The following NPC1L1 variants were observed in gnomAD, a reference collection of about 807,000 sequenced individuals.
NPC1L1 encodes NPC1-like intracellular cholesterol transporter 1.
NPC1L1 carries 98 observed loss-of-function variants against 117.0 expected under a neutral mutation model. That is an observed-to-expected ratio of 0.84 (90% CI 0.71 to 0.99). The LOEUF (loss-of-function observed/expected upper bound fraction) is 0.99, where lower values mean the gene tolerates loss of function less well. Among genes scored for constraint, NPC1L1 ranks in the 50% least tolerant of loss-of-function variants. The pLI, the probability that NPC1L1 is intolerant of heterozygous loss-of-function variation, is 0.00. For synonymous variants in NPC1L1, 729 were observed against 727.6 expected (o/e 1.00, Z -0.03); for missense variants, 1,540 against 1,710.0 (o/e 0.90, Z 1.75).
intron 10 of NPC1L1, among the ~76,000 whole-genome samples, chr7:44,524,929 T>C (rs1039113317): frequency 4.6e-5 from 7 of 151,270 alleles, no homozygotes; most frequent in Non-Finnish European, 8.8e-5. Flanking sequence ...AAATGAAAAA[T>C]TCACTAGAGG....
chr7:44,533,933 G>T, intron 6 of NPC1L1, 80 bp from the exon 7 acceptor site: 2 of 1,177,806 alleles, frequency 1.7e-6, no homozygotes, highest in Non-Finnish European at 2.5e-6. Flanking sequence ...GTTGGCAAGT[G>T]CCCAGAGCTG....
chr7:44,538,955 C>T lies in NPC1L1; in HGVS notation c.1442G>A (p.Ser481Asn). ...GCTGTTGATGCAGCAGTCGTAGAGACTGGTATTGTCCGGATTGAGGGGGGC... is the reference window on the plus strand; with the variant it reads ...GCTGTTGATGCAGCAGTCGTAGAGATTGGTATTGTCCGGATTGAGGGGGGC... The part of the protein sequence containing the change: ...CYAPLNPDNT[S>N]LYDCCINSLL... The change falls in exon 2 of 19, where the codon AGT becomes AAT. Residue 481 changes from serine (S) to asparagine (N), a missense_variant. Around this residue, in one of 3 missense-constraint regions of NPC1L1, gnomAD observed 793 missense variants for 820.4 expected, o/e 0.97. Coordinates refer to ENST00000381160, the MANE Select transcript of NPC1L1 (RefSeq NM_001101648.2). This position sits in a 1 kb window ranked among gnomAD's most constrained non-coding sequence, Gnocchi z 5.9. 6.2e-7 allele frequency: 1 copy of T among 1,614,184 alleles called. No homozygotes were observed. The highest frequency in any genetic ancestry group is 8.5e-7 in the Non-Finnish European group (1 of 1,180,032).
At chr7:44,533,911 G>A (rs951929294) in intron 6 of NPC1L1, 58 bp from the exon 7 acceptor site, 3 of 1,443,252 alleles carry the variant, frequency 2.1e-6, no homozygotes, top group Non-Finnish European at 1.9e-6. Context: ...GCCCCTCAAA[G>A]GCCAGCAGGG....
intron 10 of NPC1L1, among the ~76,000 whole-genome samples, chr7:44,529,395 T>C (rs2117052048): frequency 6.6e-6 from 1 of 151,976 alleles, no homozygotes; most frequent in East Asian, 2.0e-4. Flanking sequence ...TTTTTTTTTT[T>C]TGAGACGAAT....
chr7:44,515,652 A>G (rs1198634681), intron 18 of NPC1L1, 151 bp downstream of exon 18: 5 of 939,952 alleles, frequency 5.3e-6, no homozygotes, highest in Non-Finnish European at 6.8e-6. Flanking sequence ...AGTAGCTTCC[A>G]AGACAGAATT....
At position 44,522,212 on chromosome 7, in the gene NPC1L1, G is replaced by T; in HGVS notation, c.2668C>A (p.Leu890Met). Residue 890 changes from leucine (L) to methionine (M), a missense_variant, in exon 11 of 19, where the codon CTG (leucine) becomes ATG (methionine). This residue lies in a region of NPC1L1 where 742 missense variants were observed against 873.6 expected (regional missense o/e 0.85). Transcript: ENST00000381160. ...GCCCCCACCTCGAAGTAGCGGTTCA[G>T]AAAGAGGAAATAGTCAAGCAGGTAC... is the stretch of plus-strand genomic sequence containing the variant. ...DSYLLDYFLF[L>M]NRYFEVGAPV... 1 of 1,613,766 alleles carries T rather than the reference G, an allele frequency of 6.2e-7. No homozygotes were observed. The highest frequency in any genetic ancestry group is 8.5e-7 in the Non-Finnish European group (1 of 1,179,862).
rs752287511 is a variant in NPC1L1 at position 44,540,183 on chromosome 7, T to G, written c.214A>C (p.Ile72Leu). The part of the protein sequence containing the change: ...PARKITGDHL[I>L]LLQKICPRLY... ...CGGGGGCAGATCTTCTGTAATAGGA[T>G]CAGGTGATCACCTGTGATCTTGCGG... The change falls in exon 2 of 19, where the codon ATC becomes CTC. Residue 72 changes from isoleucine to leucine, a missense_variant. Around this residue, in one of 3 missense-constraint regions of NPC1L1, gnomAD observed 793 missense variants for 820.4 expected, o/e 0.97. Coordinates refer to ENST00000381160, the MANE Select transcript of NPC1L1 (RefSeq NM_001101648.2). 2 of 1,612,452 alleles carry G rather than the reference T, an allele frequency of 1.2e-6. No individual in the cohort carries two copies. The highest frequency in any genetic ancestry group is 4.5e-5 in the East Asian group (2 of 44,772).
chr7:44,521,776 CG>C lies in NPC1L1; in HGVS notation c.2888del (p.Pro963ArgfsTer25). On this transcript the variant is annotated frameshift_variant, in exon 12 of 19. Coordinates refer to ENST00000381160, the MANE Select transcript of NPC1L1 (RefSeq NM_001101648.2). LOFTEE classifies it high-confidence loss of function. ...ATATATAAAGGCGGCAGCAGGAGGA[CG>C]GGGTCAGCCAGTCAATGAAGTCATC... ...WVDDFIDWLT[P>X]SSCCRLYISG... 6.2e-7 allele frequency: 1 copy of C among 1,614,072 alleles called. No individual in the cohort carries two copies. Among genetic ancestry groups the C allele is most frequent in the Non-Finnish European group, 8.5e-7 (1 of 1,180,016 alleles).
chr7:44,516,433 G>C (rs1801188657), intron 16 of NPC1L1, among the ~76,000 whole-genome samples: 1 of 152,156 alleles, frequency 6.6e-6, no homozygotes. Context: ...GTGAGACCCT[G>C]TCTCTACAAC....
intron 14 of NPC1L1, among the ~76,000 whole-genome samples, chr7:44,518,123 A>AAAG (rs1801245663): frequency 6.6e-6 from 1 of 152,006 alleles, no homozygotes; most frequent in African/African-American, 2.4e-5. Flanking sequence ...CAAAAAAAAA[A>AAAG]AAGAAGAAAT....
rs538204760 is a variant in NPC1L1 at position 44,521,085 on chromosome 7, A to C, written c.2987T>G (p.Ile996Ser). ...SLNCLKNCMSITMGSVRPSVE... is the reference protein window; with the variant it reads ...SLNCLKNCMSSTMGSVRPSVE... ...CGAGGGCCTCACAGAGCCCATCGTG[A>C]TGCTCATGCAGTTCTTTAGGCAGTT... Residue 996 changes from isoleucine to serine, a missense_variant, in exon 13 of 19, where the codon ATC (isoleucine) becomes AGC (serine). Coordinates refer to ENST00000381160, the MANE Select transcript of NPC1L1 (RefSeq NM_001101648.2). 6.2e-7 allele frequency: 1 copy of C among 1,614,150 alleles called. No homozygotes were observed. The highest frequency in any genetic ancestry group is 1.3e-5 in the African/African-American group (1 of 75,036).
Position 44,517,283 on chromosome 7 carries a change from C to T in NPC1L1, c.3211G>A (p.Glu1071Lys), listed in dbSNP as rs1161311665. 2 of 1,614,052 alleles carry T rather than the reference C, an allele frequency of 1.2e-6. No individual in the cohort carries two copies. The highest frequency in any genetic ancestry group is 1.3e-5 in the African/African-American group (1 of 74,926). ...DYTEALRAAR[E>K]LAANITADLR... ...TCAGCAGTGATGTTGGCTGCCAGCT[C>T]TCGAGCTGCCCGCAGAGCTTCTGTG... Residue 1071 changes from glutamate (E) to lysine (K), a missense_variant, in exon 15 of 19, where the codon GAG becomes AAG. Coordinates refer to ENST00000381160, the MANE Select transcript of NPC1L1 (RefSeq NM_001101648.2).
intron 13 of NPC1L1, 30 bp from the exon 14 acceptor site, chr7:44,520,850 C>T (rs768772457): frequency 1.2e-6 from 2 of 1,613,856 alleles, no homozygotes; most frequent in African/African-American, 2.7e-5. Flanking sequence ...AAGGCTTAGC[C>T]AGGGACGAAG....
In NPC1L1 at chr7:44,522,211, A is replaced by G. The variant is rs751654964; in HGVS notation, c.2669T>C (p.Leu890Pro). ...DSYLLDYFLFLNRYFEVGAPV... is the reference protein window; with the variant it reads ...DSYLLDYFLFPNRYFEVGAPV... ...GGCCCCCACCTCGAAGTAGCGGTTC[A>G]GAAAGAGGAAATAGTCAAGCAGGTA... is the stretch of plus-strand genomic sequence containing the variant. Residue 890 changes from leucine (L) to proline (P), a missense_variant, in exon 11 of 19, where the codon CTG (leucine) becomes CCG (proline). Coordinates refer to ENST00000381160, the MANE Select transcript of NPC1L1 (RefSeq NM_001101648.2). 3 of 1,613,824 alleles carry G rather than the reference A, an allele frequency of 1.9e-6. 1 individual carries two copies. In the Admixed American group the frequency reaches 5.0e-5, roughly 27 times the overall value.
chr7:44,534,364 C>T lies in NPC1L1; in HGVS notation c.2166+83G>A. 7.2e-7 allele frequency: 1 copy of T among 1,395,130 alleles called. No individual in the cohort carries two copies. The highest frequency in any genetic ancestry group is 1.0e-6 in the Non-Finnish European group (1 of 980,836). The allele number at this position is 1,395,130 out of a possible 1,614,324, so 86.4% of individuals were successfully genotyped here. A position where few individuals can be genotyped will look rare whatever the true frequency, so the allele number is the denominator to read the frequency against. On this transcript the variant is annotated intron_variant, in intron 6 of 18. Transcript: ENST00000381160. The surrounding 1 kb of genome is among the most constrained non-coding windows in gnomAD (Gnocchi z 5.2). The stretch of plus-strand genomic sequence containing the variant: ...AGTCTGCAGGGAGACCCAGCAAATT[C>T]ACGCCAGAGTCCCATCAGGCCAGGA...
chr7:44,522,635 AAC>A (rs1801397409), intron 10 of NPC1L1, among the ~76,000 whole-genome samples: 1 of 152,196 alleles, frequency 6.6e-6, no homozygotes, highest in Non-Finnish European at 1.5e-5. Context: ...GTTACACCGG[AAC>A]ACAGTTTTAG....
At chr7:44,531,871 C>G (rs1242945410) in intron 9 of NPC1L1, 27 bp from the exon 10 acceptor site, 1 of 1,557,776 alleles carries the variant, frequency 6.4e-7, no homozygotes, top group Non-Finnish European at 8.7e-7. Flanking sequence ...TGCATGAGAC[C>G]ACCCTGCCCA....
Position 44,539,525 on chromosome 7 carries a change from A to G in NPC1L1, c.872T>C (p.Leu291Pro). ...GGTGACCACAGCGAAGACAGAGCAG[A>G]GGATGATGATGAGGACCAGACTGCC... ...MPGSLVLIIILCSVFAVVTIL... is the reference protein window; with the variant it reads ...MPGSLVLIIIPCSVFAVVTIL... Residue 291 changes from leucine to proline, a missense_variant, in exon 2 of 19, where the codon CTC (leucine) becomes CCC (proline). Leu to Pro is a moderately conservative substitution (Grantham distance 98). This residue lies in a region of NPC1L1 where 793 missense variants were observed against 820.4 expected (regional missense o/e 0.97). Coordinates refer to ENST00000381160, the MANE Select transcript of NPC1L1 (RefSeq NM_001101648.2). This position sits in a 1 kb window ranked among gnomAD's most constrained non-coding sequence, Gnocchi z 4.4. 1 of 1,613,748 alleles carries G rather than the reference A, an allele frequency of 6.2e-7. No individual in the cohort carries two copies. The highest frequency in any genetic ancestry group is 8.5e-7 in the Non-Finnish European group (1 of 1,179,712).
rs948869565 is a variant in NPC1L1, at chr7:44,517,042, TG to T, written c.3288-109del. On this transcript the variant is annotated intron_variant, in intron 15 of 18. Coordinates refer to ENST00000381160, the MANE Select transcript of NPC1L1 (RefSeq NM_001101648.2). Reference sequence around the variant, plus strand: ...TGCTGAGGGTCAGGCAGGCTTATATTGGGGTACAAACCAGCCTAAGAAATAG... The same window carrying T: ...TGCTGAGGGTCAGGCAGGCTTATATTGGGTACAAACCAGCCTAAGAAATAG... 6 of 1,441,022 alleles carry T rather than the reference TG, an allele frequency of 4.2e-6. No individual in the cohort carries two copies. In the African/African-American group the frequency reaches 7.0e-5, roughly 17 times the overall value. The allele number at this position is 1,441,022 out of a possible 1,614,324, so 89.3% of individuals were successfully genotyped here.
Sources: gnomAD v4.1 joint callset for allele counts (sites outside exome capture counted in the v4.1 genomes callset) on GRCh38, gnomAD v4.1.1 for gene constraint, gnomAD v4.1.1 regional missense constraint, Gnocchi (gnomAD v3.1) non-coding constraint, MANE v1.5 for transcripts, NCBI Gene and HGNC (gene_info 2026-07-23, HGNC 2026-07-21) for gene names.